Variants in MERTK observed in about 807,000 individuals in gnomAD.
MERTK encodes tyrosine-protein kinase Mer.
Under a neutral mutation model 99.3 loss-of-function variants are expected in MERTK, and 69 were observed. That is an observed-to-expected ratio of 0.70 (90% confidence interval 0.57 to 0.85). The LOEUF (loss-of-function observed/expected upper bound fraction) is 0.85, where lower values mean the gene tolerates loss of function less well. Among genes scored for constraint, MERTK ranks in the 40% least tolerant of loss-of-function variants. The pLI, the probability that MERTK is intolerant of heterozygous loss-of-function variation, is 0.00. For synonymous variants in MERTK, 426 were observed against 467.6 expected, an observed-to-expected ratio of 0.91 and a Z score of 1.15; for missense variants, 1,125 against 1,249.4, an observed-to-expected ratio of 0.90 and a Z score of 1.50.
At chr2:111,964,515 G>A (rs1006138382) in intron 4 of MERTK, among the ~76,000 whole-genome samples, 1 of 152,172 alleles carries the variant, frequency 6.6e-6, no homozygotes, top group Non-Finnish European at 1.5e-5. Context: ...TCTCCAAGGA[G>A]CCCTGGTTCC....
rs1676999591 is a variant in MERTK at position 112,007,195 on chromosome 2, C to T, written c.1868-1188C>T. ...TTTGAGACGGAGTCTCGCTCTGTTG[C>T]CCAGGCTGGAGTGCGGTAGCACGAT... On this transcript the variant is annotated intron_variant, in intron 13 of 18. Transcript: ENST00000295408. Among the ~76,000 whole-genome samples, 5 of 152,298 alleles carry T rather than the reference C, an allele frequency of 3.3e-5. No individual in the cohort carries two copies. In the South Asian group the frequency reaches 1.0e-3, roughly 32 times the overall value.
Position 112,028,384 on chromosome 2 carries a change from T to C in MERTK, c.2520T>C (p.Asp840=), listed in dbSNP as rs756331920. Residue 840 remains aspartate, a synonymous_variant, in exon 19 of 19, where the codon GAT becomes GAC. Transcript: ENST00000295408. ...YEIMYSCWRT[D]PLDRPTFSVL... ...TAATGTACTCTTGCTGGAGAACCGA[T>C]CCCTTAGACCGCCCCACCTTTTCAG... is the stretch of plus-strand genomic sequence containing the variant. 2.4e-5 allele frequency: 39 copies of C among 1,614,038 alleles called. No homozygotes were observed. Among genetic ancestry groups the C allele is most frequent in the Non-Finnish European group, 3.3e-5 (39 of 1,180,030 alleles).
chr2:111,984,756 T>G (rs977108687), intron 8 of MERTK, among the ~76,000 whole-genome samples: 5 of 152,208 alleles, frequency 3.3e-5, no homozygotes, highest in African/African-American at 1.2e-4. Context: ...ATAAGTAACC[T>G]TCTAACCTGC....
At chr2:111,962,379 T>C (rs1258385500) in intron 4 of MERTK, among the ~76,000 whole-genome samples, 1 of 152,056 alleles carries the variant, frequency 6.6e-6, no homozygotes, top group Non-Finnish European at 1.5e-5. Flanking sequence ...TGGTGGCAGG[T>C]GCCTGTAATC....
At chr2:111,926,546 G>C (rs1288557866) in intron 1 of MERTK, among the ~76,000 whole-genome samples, 1 of 152,164 alleles carries the variant, frequency 6.6e-6, no homozygotes, top group East Asian at 1.9e-4. Context: ...GGCTAACATG[G>C]TGAAACCCCG....
chr2:112,013,770 G>T (rs1677156313), intron 15 of MERTK, among the ~76,000 whole-genome samples: 1 of 151,900 alleles, frequency 6.6e-6, no homozygotes, highest in Non-Finnish European at 1.5e-5. Flanking sequence ...GTGAGTGGCG[G>T]CACCACATCA....
At chr2:111,943,852 T>G (rs1248946735) in intron 2 of MERTK, among the ~76,000 whole-genome samples, 1 of 152,144 alleles carries the variant, frequency 6.6e-6, no homozygotes, top group African/African-American at 2.4e-5. Context: ...AGGAGGTCAT[T>G]TGGGATATGG....
intron 8 of MERTK, among the ~76,000 whole-genome samples, chr2:111,988,749 G>A (rs1676546137): frequency 6.6e-6 from 1 of 152,204 alleles, no homozygotes; most frequent in Non-Finnish European, 1.5e-5. Context: ...AGTTCGACGA[G>A]ACCAGCCTAG....
At chr2:111,914,101 CTTTTT>C (rs765850254) in intron 1 of MERTK, among the ~76,000 whole-genome samples, 1 of 94,454 alleles carries the variant, frequency 1.1e-5, no homozygotes, top group African/African-American at 4.8e-5. Flanking sequence ...TTCTTTCTTT[CTTTTT>C]TTTTTTTTTT....
chr2:111,942,304 C>T (rs878962966), intron 2 of MERTK, among the ~76,000 whole-genome samples: 11 of 152,174 alleles, frequency 7.2e-5, no homozygotes. Context: ...AGCACCCCCT[C>T]TTCAGTAGCC....
intron 8 of MERTK, among the ~76,000 whole-genome samples, chr2:111,983,408 T>A (rs1400828211): frequency 6.6e-6 from 1 of 152,170 alleles, no homozygotes; most frequent in African/African-American, 2.4e-5. Flanking sequence ...CATGGGACTT[T>A]GCAAAAGAAG....
intron 15 of MERTK, among the ~76,000 whole-genome samples, chr2:112,019,146 T>C (rs550263006): frequency 6.6e-6 from 1 of 152,242 alleles, no homozygotes; most frequent in South Asian, 2.1e-4. Flanking sequence ...CCTCATACCT[T>C]CTAAAAAGAA....
At chr2:112,014,470 T>C (rs1030344657) in intron 15 of MERTK, among the ~76,000 whole-genome samples, 4 of 152,096 alleles carry the variant, frequency 2.6e-5, no homozygotes, top group Non-Finnish European at 5.9e-5. Context: ...AGCTGTTACG[T>C]TGTATAATTT....
At chr2:112,009,428 G>A (rs760346587) in intron 14 of MERTK, among the ~76,000 whole-genome samples, 7 of 152,170 alleles carry the variant, frequency 4.6e-5, no homozygotes, top group Non-Finnish European at 8.8e-5. Flanking sequence ...ATTTAGGGAT[G>A]TGAATTTTAC....
chr2:111,944,643 A>G (rs183584182), intron 2 of MERTK, among the ~76,000 whole-genome samples: 39 of 64,630 alleles, frequency 6.0e-4, no homozygotes, highest in Admixed American at 1.6e-3. Context: ...TGGAAACAGA[A>G]GCCCCTCTTT....
intron 1 of MERTK, among the ~76,000 whole-genome samples, chr2:111,906,656 G>A (rs1410039273): frequency 6.6e-6 from 1 of 152,222 alleles, no homozygotes; most frequent in Non-Finnish European, 1.5e-5. Context: ...CACAGGAAGT[G>A]AAACCAGCCT....
intron 4 of MERTK, among the ~76,000 whole-genome samples, chr2:111,954,062 T>C (rs1331655538): frequency 1.3e-5 from 2 of 152,206 alleles, no homozygotes; most frequent in Non-Finnish European, 1.5e-5. Flanking sequence ...CACCTTGTGA[T>C]TAAAGAGGTT....
chr2:111,932,424 A>C (rs900397848), intron 2 of MERTK, among the ~76,000 whole-genome samples: 19 of 151,972 alleles, frequency 1.3e-4, no homozygotes, highest in Non-Finnish European at 2.1e-4. Context: ...CTCGTGATCC[A>C]CCCGCCTCAG....
In MERTK at chr2:111,949,026, G is replaced by A. The variant is rs183570955; in HGVS notation, c.757+1459G>A. Among the ~76,000 whole-genome samples the A allele has an allele frequency of 3.9e-5, 6 of 151,924 alleles. No individual in the cohort carries two copies. The East Asian group carries it at 1.2e-3, about 29-fold the overall frequency. On this transcript the variant is annotated intron_variant, in intron 4 of 18. Transcript: ENST00000295408. ...TCTTTCACTTCTCTAGGCACATCCTGTTCCTTCCTGCCTCAGGACCTTTGC... is the reference window on the plus strand; with the variant it reads ...TCTTTCACTTCTCTAGGCACATCCTATTCCTTCCTGCCTCAGGACCTTTGC...
Sources: gnomAD v4.1 joint callset for allele counts (sites outside exome capture counted in the v4.1 genomes callset) on GRCh38, gnomAD v4.1.1 for gene constraint, MANE v1.5 for transcripts, NCBI Gene and HGNC (gene_info 2026-07-23, HGNC 2026-07-21) for gene names.